The following USH2A variants were observed in gnomAD, a reference collection of about 807,000 sequenced individuals.
USH2A encodes usherin.
In USH2A, 443 loss-of-function variants were observed where a neutral mutation model predicts 538.9. The ratio of observed to expected loss-of-function variants is 0.82; its 90% CI spans 0.76 to 0.89. USH2A has a LOEUF of 0.89. Among genes scored for constraint, USH2A ranks in the 40% least tolerant of loss-of-function variants. The pLI is 0.00. For synonymous variants in USH2A, 2,413 were observed against 2,273.5 expected, an observed-to-expected ratio of 1.06 and a Z score of -1.75; for missense variants, 6,633 against 6,324.8, an observed-to-expected ratio of 1.05 and a Z score of -1.65.
At chr1:215,759,619 A>G in intron 57 of USH2A, 41 bp downstream of exon 57, 3 of 1,610,410 alleles carry the variant, frequency 1.9e-6, no homozygotes, top group Non-Finnish European at 2.5e-6. Flanking sequence ...AGAAATGTAC[A>G]AATCCTGCTG....
At chr1:216,188,235 A>G (rs2034646783) in intron 20 of USH2A, among the ~76,000 whole-genome samples, 1 of 151,918 alleles carries the variant, frequency 6.6e-6, no homozygotes, top group South Asian at 2.1e-4. Flanking sequence ...CTATTAGCAC[A>G]GATGTTACCA....
At chr1:215,936,838 A>G (rs1229798387) in intron 37 of USH2A, among the ~76,000 whole-genome samples, 2 of 152,126 alleles carry the variant, frequency 1.3e-5, no homozygotes, top group East Asian at 3.8e-4. Context: ...GTCCCATCAG[A>G]TTATATTTCA....
intron 58 of USH2A, among the ~76,000 whole-genome samples, chr1:215,745,877 C>T (rs539441827): frequency 6.6e-6 from 1 of 152,186 alleles, no homozygotes; most frequent in African/African-American, 2.4e-5. Context: ...TATTCCGAAG[C>T]AAGGAAACAA....
intron 2 of USH2A, among the ~76,000 whole-genome samples, chr1:216,419,011 T>C (rs745905380): frequency 1.3e-5 from 2 of 152,172 alleles, no homozygotes; most frequent in Non-Finnish European, 2.9e-5. Flanking sequence ...TCCTGCTATT[T>C]CTTTTAGAGG....
chr1:215,817,078 C>T lies in USH2A; in HGVS notation c.9489G>A (p.Gln3163=). The change falls in exon 48 of 72, where the codon CAG becomes CAA. Residue 3163 remains glutamine, a synonymous_variant. Transcript: ENST00000307340. ...CAKTQKLVQD[Q]SDELCKAVRC... Reference sequence around the variant, plus strand: ...TCACTGCCTTGCAGAGCTCATCACTCTGATCCTGCACTAACTTTTGAGTTT... The same window carrying T: ...TCACTGCCTTGCAGAGCTCATCACTTTGATCCTGCACTAACTTTTGAGTTT... The T allele has an allele frequency of 6.2e-7, 1 of 1,612,882 alleles. No homozygotes were observed. Among genetic ancestry groups the T allele is most frequent in the Non-Finnish European group, 8.5e-7 (1 of 1,179,116 alleles).
chr1:216,163,759 A>C (rs965232078), intron 21 of USH2A, among the ~76,000 whole-genome samples: 1 of 151,608 alleles, frequency 6.6e-6, no homozygotes, highest in African/African-American at 2.4e-5. Context: ...CCAGGACCCC[A>C]CCTAGACTCT....
rs558159792 is a variant in USH2A, at chr1:216,230,740, T to C, written c.2993+1213A>G. Among the ~76,000 whole-genome samples the C allele has an allele frequency of 3.4e-4, 52 of 152,138 alleles. No individual in the cohort carries two copies. In the South Asian group the frequency reaches 0.011, roughly 32 times the overall value. ...TAATTAGCAATTAGATTTATAAATA[T>C]ACACATATTGAGAGACAGATTTGAC... is the stretch of plus-strand genomic sequence containing the variant. On this transcript the variant is annotated intron_variant, in intron 14 of 71. Transcript: ENST00000307340.
chr1:216,323,789 T>C (rs1000666310), intron 7 of USH2A, 94 bp from the exon 8 acceptor site: 2 of 1,136,992 alleles, frequency 1.8e-6, no homozygotes, highest in Non-Finnish European at 2.6e-6. Context: ...ACAGTATCAA[T>C]AAAAGCTTAA....
intron 61 of USH2A, among the ~76,000 whole-genome samples, chr1:215,683,148 A>G (rs1431277454): frequency 2.0e-5 from 3 of 151,956 alleles, no homozygotes; most frequent in African/African-American, 7.3e-5. Context: ...TGGCTGCGCA[A>G]AAGTGCTGGG....
chr1:215,661,916 G>T (rs1657447433), intron 64 of USH2A, among the ~76,000 whole-genome samples: 1 of 152,128 alleles, frequency 6.6e-6, no homozygotes, highest in Non-Finnish European at 1.5e-5. Context: ...CCATCACTCA[G>T]ATCCTGCAAA....
At chr1:215,839,663 C>T (rs1663621915) in intron 46 of USH2A, among the ~76,000 whole-genome samples, 1 of 152,036 alleles carries the variant, frequency 6.6e-6, no homozygotes, top group Non-Finnish European at 1.5e-5. Context: ...AGAAATGTGC[C>T]AATATGTTTT....
intron 43 of USH2A, among the ~76,000 whole-genome samples, chr1:215,867,439 T>C (rs924043420): frequency 6.6e-6 from 1 of 152,176 alleles, no homozygotes; most frequent in African/African-American, 2.4e-5. Context: ...TGAAAACAAA[T>C]GTGGTTTATC....
At position 216,000,503 on chromosome 1, in the gene USH2A, T is replaced by C. The variant is rs184267885; in HGVS notation, c.6385A>G (p.Thr2129Ala). ...TACAGTAGGACCCAGGAACTGTTTG[T>C]ACAGCCCACATGTGTGCATGCACTT... ...LLSACTHVGCTNSSWVLLYTA... is the reference protein window; with the variant it reads ...LLSACTHVGCANSSWVLLYTA... Residue 2129 changes from threonine to alanine, a missense_variant, in exon 33 of 72, where the codon ACA becomes GCA. Physicochemically the swap from Thr to Ala is moderately conservative, Grantham distance 58. Coordinates refer to ENST00000307340, the MANE Select transcript of USH2A (RefSeq NM_206933.4). 20 of 1,613,712 alleles carry C rather than the reference T, an allele frequency of 1.2e-5. No homozygotes were observed. In the East Asian group the frequency reaches 2.7e-4, roughly 22 times the overall value.
intron 38 of USH2A, among the ~76,000 whole-genome samples, chr1:215,922,205 T>C (rs1335912396): frequency 2.6e-5 from 4 of 152,162 alleles, no homozygotes; most frequent in Admixed American, 2.6e-4. Flanking sequence ...TTATAGCAGA[T>C]GTTCTGTGAA....
At position 216,414,688 on chromosome 1, in the gene USH2A, G is replaced by A. The variant is rs945907615; in HGVS notation, c.651+3826C>T. Among the ~76,000 whole-genome samples the A allele has an allele frequency of 6.6e-5, 10 of 151,930 alleles. No homozygotes were observed. In the East Asian group the frequency reaches 1.4e-3, roughly 21 times the overall value. The stretch of plus-strand genomic sequence containing the variant: ...CAACGAACTAAAATTCTGGTTTCTG[G>A]GCCATTCCACGAATAGAGTTGTATG... On this transcript the variant is annotated intron_variant, in intron 3 of 71. Coordinates refer to ENST00000307340, the MANE Select transcript of USH2A (RefSeq NM_206933.4).
At chr1:215,836,520 T>A (rs1316997446) in intron 47 of USH2A, among the ~76,000 whole-genome samples, 4 of 28,304 alleles carry the variant, frequency 1.4e-4, no homozygotes, top group African/African-American at 3.7e-4. Context: ...ATATATATAA[T>A]ATATATTATA....
intron 4 of USH2A, among the ~76,000 whole-genome samples, chr1:216,362,389 T>C (rs2038507941): frequency 6.6e-6 from 1 of 152,054 alleles, no homozygotes; most frequent in Non-Finnish European, 1.5e-5. Flanking sequence ...TTCAACAATA[T>C]TTTTCACTTA....
chr1:215,735,088 T>C (rs979011747), intron 60 of USH2A, among the ~76,000 whole-genome samples: 5 of 152,238 alleles, frequency 3.3e-5, no homozygotes, highest in Admixed American at 2.6e-4. Flanking sequence ...GAGCAAGTGA[T>C]TGCAGCATGC....
At chr1:215,998,455 A>T (rs1668187578) in intron 34 of USH2A, among the ~76,000 whole-genome samples, 1 of 152,132 alleles carries the variant, frequency 6.6e-6, no homozygotes, top group Non-Finnish European at 1.5e-5. Context: ...AACAATCAAG[A>T]ATATTTGACG....
Sources: allele counts gnomAD v4.1 joint callset (sites outside exome capture counted in the v4.1 genomes callset), GRCh38; gene constraint gnomAD v4.1.1; transcripts MANE v1.5; gene names NCBI Gene and HGNC (gene_info 2026-07-23, HGNC 2026-07-21).